Variants in BTLA observed in about 807,000 individuals in gnomAD.
The protein encoded by BTLA is B and T lymphocyte associated.
BTLA carries 11 observed loss-of-function variants against 25.0 expected under a neutral mutation model. That is an observed-to-expected ratio of 0.44 (90% confidence interval 0.28 to 0.73). The LOEUF is 0.73. BTLA is among the 30% of genes least tolerant of loss of function. The pLI is 0.15. For synonymous variants in BTLA, 104 were observed against 119.8 expected (o/e 0.87, Z 0.86); for missense variants, 282 against 332.8 (o/e 0.85, Z 1.19).
chr3:112,477,698 A>G (rs2082296265), intron 2 of BTLA, among the ~76,000 whole-genome samples: 1 of 152,024 alleles, frequency 6.6e-6, no homozygotes, highest in African/African-American at 2.4e-5. Context: ...ATTTATCCCT[A>G]TGTTTTCTCC....
At chr3:112,474,933 T>G (rs548201066) in intron 2 of BTLA, among the ~76,000 whole-genome samples, 90 of 152,308 alleles carry the variant, frequency 5.9e-4, no homozygotes, top group Admixed American at 1.4e-3. Context: ...TTAACAAAGA[T>G]GAGCCCAATA....
rs1412688215 is a variant in BTLA at position 112,493,694 on chromosome 3, G to T, written c.88+5577C>A. ...TTTTTGTATTTTTAGTACAGACAGG[G>T]TTTCACTATGCTGGCCAGACTGCTC... On this transcript the variant is annotated intron_variant, in intron 1 of 4. Transcript: ENST00000334529. Among the ~76,000 whole-genome samples, 4 of 152,278 alleles carry T rather than the reference G, an allele frequency of 2.6e-5. No homozygotes were observed. The East Asian group carries it at 7.8e-4, about 30-fold the overall frequency.
intron 2 of BTLA, among the ~76,000 whole-genome samples, chr3:112,472,820 T>C (rs1203669057): frequency 6.6e-6 from 1 of 152,114 alleles, no homozygotes; most frequent in Non-Finnish European, 1.5e-5. Context: ...TTCAGAGTGG[T>C]AACAAATGTT....
Position 112,469,778 on chromosome 3 carries a change from C to T in BTLA, c.574G>A (p.Ala192Thr). Reference protein sequence around the residue: ...QGKQNELSDTAGREINLVDAH... With the variant: ...QGKQNELSDTTGREINLVDAH... ...CTTACCAGGTTAATTTCCCTTCCTG[C>T]TGTGTCAGAGAGTTCATTTTGCTTT... Residue 192 changes from alanine to threonine, a missense_variant, in exon 4 of 5, where the codon GCA becomes ACA. By Grantham distance (58) the Ala-to-Thr change is moderately conservative. Coordinates refer to ENST00000334529, the MANE Select transcript of BTLA (RefSeq NM_181780.4). The T allele has an allele frequency of 1.9e-6, 3 of 1,608,776 alleles. No homozygotes were observed. Among genetic ancestry groups the T allele is most frequent in the South Asian group, 2.2e-5 (2 of 90,920 alleles).
intron 3 of BTLA, 113 bp downstream of exon 3, chr3:112,471,099 G>T (rs1193514073): frequency 2.3e-6 from 3 of 1,291,768 alleles, no homozygotes; most frequent in Non-Finnish European, 3.1e-6. Context: ...ATTATCCATG[G>T]TTTACAGGAT....
intron 1 of BTLA, among the ~76,000 whole-genome samples, chr3:112,494,243 A>G (rs527968954): frequency 6.6e-6 from 1 of 152,348 alleles, no homozygotes; most frequent in African/African-American, 2.4e-5. Context: ...TGATTATTAA[A>G]AAGTCAGGAA....
rs933375738 is a variant in BTLA at position 112,466,021 on chromosome 3, G to A, written c.*87C>T. 14 of 1,367,936 alleles carry A rather than the reference G, an allele frequency of 1.0e-5. No homozygotes were observed. In the African/African-American group the frequency reaches 1.9e-4, roughly 18 times the overall value. 84.7% of individuals were successfully genotyped at this position (1,367,936 alleles called of 1,614,324 possible). On this transcript the variant is annotated 3_prime_UTR_variant, in exon 5 of 5. Transcript: ENST00000334529. ...TCTAAAGTAAAAATTCTCAAATTGA[G>A]AAATATTATTTGACATCCTGTTGAG...
chr3:112,487,313 G>A (rs976328095), intron 1 of BTLA, among the ~76,000 whole-genome samples: 1 of 152,328 alleles, frequency 6.6e-6, no homozygotes, highest in African/African-American at 2.4e-5. Context: ...GGCCGGGCGT[G>A]GTGACTCATG....
intron 2 of BTLA, among the ~76,000 whole-genome samples, chr3:112,473,611 CTTTTTT>C (rs777897332): frequency 8.7e-6 from 1 of 115,152 alleles, no homozygotes; most frequent in Non-Finnish European, 1.7e-5. Flanking sequence ...TTTTCTTCTT[CTTTTTT>C]TTTTTTTTTT....
intron 2 of BTLA, among the ~76,000 whole-genome samples, chr3:112,475,443 T>C (rs1284596233): frequency 2.0e-5 from 3 of 152,174 alleles, no homozygotes; most frequent in African/African-American, 7.2e-5. Flanking sequence ...TCCCCTAAAG[T>C]TGGGTTCTTT....
chr3:112,495,146 C>T (rs1407941854), intron 1 of BTLA, among the ~76,000 whole-genome samples: 1 of 152,116 alleles, frequency 6.6e-6, no homozygotes, highest in Non-Finnish European at 1.5e-5. Context: ...AGATTATTCT[C>T]CCATTTTTTT....
rs1175018003 is a variant in BTLA at position 112,471,200 on chromosome 3, A to G, written c.547+12T>C. On this transcript the variant is annotated intron_variant, in intron 3 of 4. Coordinates refer to ENST00000334529, the MANE Select transcript of BTLA (RefSeq NM_181780.4). ...TGTGTGGTACTGGGGGCAGAGGGAA[A>G]ATAGAACCCACCTTGGTGCCTTCTC... 3 of 1,613,372 alleles carry G rather than the reference A, an allele frequency of 1.9e-6. No homozygotes were observed. Among genetic ancestry groups the G allele is most frequent in the Non-Finnish European group, 2.5e-6 (3 of 1,179,648 alleles).
intron 1 of BTLA, among the ~76,000 whole-genome samples, chr3:112,480,900 T>G (rs570259332): frequency 4.6e-5 from 7 of 152,312 alleles, no homozygotes; most frequent in South Asian, 2.1e-4. Context: ...TTCAAAACAC[T>G]AAATTCAGAG....
Position 112,499,362 on chromosome 3 carries a change from C to T in BTLA, c.-4G>A. The T allele has an allele frequency of 6.2e-7, 1 of 1,612,952 alleles. No individual in the cohort carries two copies. Among genetic ancestry groups the T allele is most frequent in the Non-Finnish European group, 8.5e-7 (1 of 1,179,490 alleles). ...GCATGGCAGGCAATGTCTTCATTTC[C>T]TGCACATATCAGTGATGGAAAAACT... On this transcript the variant is annotated 5_prime_UTR_variant, in exon 1 of 5. Coordinates refer to ENST00000334529, the MANE Select transcript of BTLA (RefSeq NM_181780.4).
chr3:112,479,579 C>G lies in BTLA; in HGVS notation c.279G>C (p.Lys93Asn). Residue 93 changes from lysine to asparagine, a missense_variant, in exon 2 of 5, where the codon AAG becomes AAC. Physicochemically the swap from Lys to Asn is moderately conservative, Grantham distance 94. This residue lies in a region of BTLA where 163 missense variants were observed against 230.4 expected (regional missense o/e 0.71). Transcript: ENST00000334529. ...AATGTAGAATGAAAAATGAAATGTT[C>G]TTCTCTTCCTTCCAACTTGTTTGTC... ...EDRQTSWKEE[K>N]NISFFILHFE... 6.2e-7 allele frequency: 1 copy of G among 1,614,044 alleles called. No homozygotes were observed. Among genetic ancestry groups the G allele is most frequent in the Non-Finnish European group, 8.5e-7 (1 of 1,179,932 alleles).
intron 1 of BTLA, among the ~76,000 whole-genome samples, chr3:112,489,389 A>G (rs35107041): frequency 0.08 from 12,161 of 152,246 alleles, 617 homozygotes; most frequent in African/African-American, 0.14. Context: ...TGAATATTTT[A>G]TAAAATATCA....
chr3:112,496,950 A>G (rs1461645171), intron 1 of BTLA, among the ~76,000 whole-genome samples: 1 of 151,810 alleles, frequency 6.6e-6, no homozygotes, highest in Non-Finnish European at 1.5e-5. Context: ...CTGGTCTTAA[A>G]CTCCTGACCT....
chr3:112,479,452 C>T lies in BTLA; in HGVS notation c.403+3G>A. 1 of 1,604,930 alleles carries T rather than the reference C, an allele frequency of 6.2e-7. No homozygotes were observed. The highest frequency in any genetic ancestry group is 1.7e-4 in the Middle Eastern group (1 of 6,018). ...TCAGATGGTCTAGGTGTTGAGAACT[C>T]ACCTGTCACATAAAGAGTTGTTGAG... On this transcript the variant is annotated splice_donor_region_variant and intron_variant, in intron 2 of 4. Coordinates refer to ENST00000334529, the MANE Select transcript of BTLA (RefSeq NM_181780.4).
chr3:112,470,681 A>C (rs1224611945), intron 3 of BTLA, among the ~76,000 whole-genome samples: 1 of 152,198 alleles, frequency 6.6e-6, no homozygotes, highest in Non-Finnish European at 1.5e-5. Flanking sequence ...TTTCATATGC[A>C]TTATTGTTGG....
Sources: allele counts gnomAD v4.1 joint callset (sites outside exome capture counted in the v4.1 genomes callset), GRCh38; gene constraint gnomAD v4.1.1; regional missense constraint gnomAD v4.1.1; transcripts MANE v1.5; gene names NCBI Gene and HGNC (gene_info 2026-07-23, HGNC 2026-07-21).